The following PTK2 variants were observed in gnomAD, a reference collection of about 807,000 sequenced individuals.
The protein encoded by PTK2 is focal adhesion kinase 1.
PTK2 carries 45 observed loss-of-function variants against 150.1 expected under a neutral mutation model. The observed-to-expected ratio is 0.30, with a 90% CI of 0.24 to 0.38. PTK2 has a LOEUF of 0.38. PTK2 is among the 10% of genes least tolerant of loss of function. The pLI is 1.00. For missense variants in PTK2, 919 were observed against 1,307.3 expected, an observed-to-expected ratio of 0.70 and a Z score of 4.58; for synonymous variants, 432 against 449.2, an observed-to-expected ratio of 0.96 and a Z score of 0.48.
At chr8:140,719,117 G>A (rs2100041368) in intron 22 of PTK2, among the ~76,000 whole-genome samples, 1 of 151,962 alleles carries the variant, frequency 6.6e-6, no homozygotes, top group Non-Finnish European at 1.5e-5. Context: ...CGGAGGTTGG[G>A]GTGAGCTGAG....
At chr8:140,671,118 A>C (rs551857106) in intron 29 of PTK2, among the ~76,000 whole-genome samples, 4 of 152,340 alleles carry the variant, frequency 2.6e-5, no homozygotes, top group African/African-American at 7.2e-5. Context: ...TTGATGCTTA[A>C]AGACTCAGTT....
At chr8:140,736,170 T>C (rs570797339) in intron 21 of PTK2, among the ~76,000 whole-genome samples, 2 of 152,362 alleles carry the variant, frequency 1.3e-5, no homozygotes, top group African/African-American at 4.8e-5. Flanking sequence ...AGTACATATA[T>C]GCCACGGAAT....
chr8:140,953,257 T>C (rs151177327), intron 1 of PTK2, among the ~76,000 whole-genome samples: 1 of 152,314 alleles, frequency 6.6e-6, no homozygotes, highest in Non-Finnish European at 1.5e-5. Context: ...GTTTTTCCTA[T>C]ACATACATAC....
chr8:140,846,151 T>C (rs2100125303), intron 7 of PTK2, 109 bp downstream of exon 7: 1 of 795,666 alleles, frequency 1.3e-6, no homozygotes, highest in South Asian at 2.1e-5. Flanking sequence ...CTCTTCTGGA[T>C]ATAAAATTTT....
intron 14 of PTK2, among the ~76,000 whole-genome samples, chr8:140,779,131 G>A (rs372341155): frequency 1.4e-4 from 21 of 151,438 alleles, no homozygotes; most frequent in African/African-American, 3.6e-4. Context: ...GTGTGGTGGC[G>A]CACACCTGTA....
chr8:140,851,346 T>G (rs1758863729), intron 5 of PTK2, among the ~76,000 whole-genome samples: 1 of 152,210 alleles, frequency 6.6e-6, no homozygotes, highest in Non-Finnish European at 1.5e-5. Flanking sequence ...ATTCATTGAT[T>G]TATCAAATGT....
chr8:140,761,363 T>C lies in PTK2; in HGVS notation c.1235-101A>G. The C allele has an allele frequency of 3.3e-6, 3 of 919,076 alleles. No individual in the cohort carries two copies. In the South Asian group the frequency reaches 3.9e-5, roughly 12 times the overall value. 56.9% of individuals were successfully genotyped at this position (919,076 alleles called of 1,614,324 possible). On this transcript the variant is annotated intron_variant, in intron 15 of 31. Transcript: ENST00000522684. ...GATCATCCATAAGTAAAATTTCATC[T>C]GTGGCACATCAATCTATGAAAATGC...
intron 14 of PTK2, among the ~76,000 whole-genome samples, chr8:140,766,034 C>T (rs1465718647): frequency 2.6e-5 from 4 of 152,168 alleles, no homozygotes; most frequent in South Asian, 4.1e-4. Flanking sequence ...AAGCACGTGC[C>T]TTTAGGAGTA....
At chr8:140,907,870 T>C (rs1197460743) in intron 2 of PTK2, among the ~76,000 whole-genome samples, 1 of 152,156 alleles carries the variant, frequency 6.6e-6, no homozygotes, top group Non-Finnish European at 1.5e-5. Flanking sequence ...CCACCTCTCC[T>C]AAGGCCTCCC....
intron 5 of PTK2, among the ~76,000 whole-genome samples, chr8:140,854,006 G>A (rs1164062970): frequency 6.6e-6 from 1 of 152,118 alleles, no homozygotes; most frequent in Non-Finnish European, 1.5e-5. Flanking sequence ...AAGAAAACTG[G>A]AATAAAAATA....
intron 23 of PTK2, among the ~76,000 whole-genome samples, chr8:140,715,511 C>A (rs558403388): frequency 6.6e-6 from 1 of 152,178 alleles, no homozygotes; most frequent in South Asian, 2.1e-4. Context: ...CAAATCTTTT[C>A]TTTAAAGGTC....
chr8:140,827,953 G>A (rs1210358653), intron 8 of PTK2, among the ~76,000 whole-genome samples: 3 of 152,162 alleles, frequency 2.0e-5, no homozygotes, highest in Non-Finnish European at 2.9e-5. Context: ...GATCACTTGA[G>A]CTCAGGCGTT....
exon 13 of PTK2, chr8:140,793,375 C>G: frequency 6.2e-7 from 1 of 1,609,324 alleles, no homozygotes; most frequent in Non-Finnish European, 8.5e-7. Context: ...TGGCAAAGCC[C>G]GTTCACCTTC....
At chr8:140,754,458 T>C (rs538967497) in intron 16 of PTK2, among the ~76,000 whole-genome samples, 1 of 152,344 alleles carries the variant, frequency 6.6e-6, no homozygotes, top group South Asian at 2.1e-4. Flanking sequence ...AAGTAACAGG[T>C]ATACGAGAAA....
intron 27 of PTK2, among the ~76,000 whole-genome samples, chr8:140,684,096 T>A (rs907961860): frequency 6.6e-6 from 1 of 152,196 alleles, no homozygotes; most frequent in African/African-American, 2.4e-5. Flanking sequence ...GATGTGATTT[T>A]ATACACAGAA....
At chr8:140,791,086 T>TTA (rs1304581992) in intron 13 of PTK2, among the ~76,000 whole-genome samples, 1 of 152,232 alleles carries the variant, frequency 6.6e-6, no homozygotes, top group African/African-American at 2.4e-5. Flanking sequence ...CTTCATTTAT[T>TTA]TAGTTTCCTT....
At chr8:140,880,989 A>G (rs2100148771) in intron 3 of PTK2, among the ~76,000 whole-genome samples, 1 of 152,172 alleles carries the variant, frequency 6.6e-6, no homozygotes, top group Admixed American at 6.5e-5. Flanking sequence ...GAGAGGGACA[A>G]AGGAAAGGAG....
chr8:140,666,695 C>A (rs965898272), intron 30 of PTK2, among the ~76,000 whole-genome samples: 1 of 152,042 alleles, frequency 6.6e-6, no homozygotes. Flanking sequence ...ATGGTGCAGC[C>A]GCTGTGAAAA....
At chr8:140,865,039 G>C (rs989557497) in intron 4 of PTK2, among the ~76,000 whole-genome samples, 24 of 152,094 alleles carry the variant, frequency 1.6e-4, no homozygotes, top group African/African-American at 5.8e-4. Context: ...ACAGCATGGG[G>C]GTGTTCCAGT....
Sources: allele counts gnomAD v4.1 joint callset (sites outside exome capture counted in the v4.1 genomes callset), GRCh38; gene constraint gnomAD v4.1.1; transcripts MANE v1.5; gene names NCBI Gene and HGNC (gene_info 2026-07-23, HGNC 2026-07-21).